ENTREP1: variants seen among roughly 807,000 people sequenced by gnomAD.
ENTREP1 encodes Friedreich ataxia region gene X123.
the ENTREP1 span, chr9:69,386,991 C>T: frequency 6.6e-6 from 1 of 152,226 alleles, no homozygotes; most frequent in Non-Finnish European, 1.5e-5. Flanking sequence ...CCAGCCTCAA[C>T]GGGAACTTAG....
the ENTREP1 span, among the ~76,000 whole-genome samples, chr9:69,336,783 C>T: frequency 6.6e-6 from 1 of 152,008 alleles, no homozygotes; most frequent in Non-Finnish European, 1.5e-5. Context: ...GTGATCTCAG[C>T]TCACTGTAAC....
At chr9:69,351,397 A>ATGATGATGATGG in the ENTREP1 span, among the ~76,000 whole-genome samples, 15 of 151,980 alleles carry the variant, frequency 9.9e-5, no homozygotes, top group Admixed American at 1.3e-4. Flanking sequence ...CTTGATGATG[A>ATGATGATGATGG]TGATGATGAT....
the ENTREP1 span, among the ~76,000 whole-genome samples, chr9:69,332,832 GT>G: frequency 6.6e-6 from 1 of 152,130 alleles, no homozygotes; most frequent in African/African-American, 2.4e-5. Context: ...AAAAGCACTT[GT>G]TTTTAAAGAT....
At chr9:69,367,779 A>G in the ENTREP1 span, among the ~76,000 whole-genome samples, 1 of 95,754 alleles carries the variant, frequency 1.0e-5, no homozygotes, top group African/African-American at 4.2e-5. Flanking sequence ...ATATATAAAT[A>G]TATATACACA....
the ENTREP1 span, chr9:69,336,347 A>T: frequency 1.2e-6 from 1 of 846,804 alleles, no homozygotes; most frequent in South Asian, 1.6e-5. Context: ...ACCACTGAAG[A>T]AATGCTTAAG....
chr9:69,355,958 C>T, the ENTREP1 span, among the ~76,000 whole-genome samples: 1 of 152,158 alleles, frequency 6.6e-6, no homozygotes, highest in Non-Finnish European at 1.5e-5. Flanking sequence ...ACATATATAA[C>T]ATAACATAAA....
the ENTREP1 span, chr9:69,329,776 G>A: frequency 1.1e-6 from 1 of 944,882 alleles, no homozygotes; most frequent in Non-Finnish European, 1.3e-6. Context: ...GGTGCGTTTA[G>A]TGTTAACTAG....
At chr9:69,354,788 A>G in the ENTREP1 span, among the ~76,000 whole-genome samples, 1 of 152,122 alleles carries the variant, frequency 6.6e-6, no homozygotes, top group Non-Finnish European at 1.5e-5. Context: ...TCTTTTTGTG[A>G]TATTGGCAGT....
chr9:69,337,073 G>A, the ENTREP1 span, among the ~76,000 whole-genome samples: 1 of 133,336 alleles, frequency 7.5e-6, no homozygotes, highest in African/African-American at 2.9e-5. Context: ...GGAGTGCAGT[G>A]GCACGTTCTC....
the ENTREP1 span, among the ~76,000 whole-genome samples, chr9:69,376,958 A>T: frequency 1.3e-5 from 2 of 152,170 alleles, no homozygotes; most frequent in Non-Finnish European, 2.9e-5. Flanking sequence ...CAAATTAAGC[A>T]GTGTGCTGTG....
At chr9:69,385,763 CTTTTTTTTT>C in the ENTREP1 span, 19 of 1,243,828 alleles carry the variant, frequency 1.5e-5, no homozygotes, top group South Asian at 1.7e-4. Context: ...TGTTTCGCCT[CTTTTTTTTT>C]TTTTTTTTTT....
the ENTREP1 span, among the ~76,000 whole-genome samples, chr9:69,359,868 G>C: frequency 6.6e-6 from 1 of 152,216 alleles, no homozygotes; most frequent in African/African-American, 2.4e-5. Context: ...TCTATTAAAA[G>C]TTTGTGAATT....
the ENTREP1 span, chr9:69,325,474 GC>G: frequency 1.1e-6 from 1 of 937,226 alleles, no homozygotes; most frequent in East Asian, 1.2e-4. Context: ...CCCCGTCGCG[GC>G]CTCGCTGCGC....
chr9:69,371,427 TA>T, the ENTREP1 span: 1 of 1,069,046 alleles, frequency 9.4e-7, no homozygotes. Context: ...TATGAGTTTT[TA>T]AAATCAGGTA....
the ENTREP1 span, among the ~76,000 whole-genome samples, chr9:69,328,320 G>A: frequency 3.3e-5 from 5 of 152,184 alleles, no homozygotes; most frequent in East Asian, 7.7e-4. Context: ...TCCAATGTGT[G>A]TATTTTTATC....
the ENTREP1 span, among the ~76,000 whole-genome samples, chr9:69,384,885 G>A: frequency 6.6e-6 from 1 of 151,906 alleles, no homozygotes; most frequent in Non-Finnish European, 1.5e-5. Flanking sequence ...TCCTAAGTAT[G>A]TTCATAATTT....
At chr9:69,341,201 A>T in the ENTREP1 span, among the ~76,000 whole-genome samples, 23 of 151,752 alleles carry the variant, frequency 1.5e-4, no homozygotes, top group Admixed American at 6.6e-4. Context: ...TTTTCTTGTC[A>T]ATTAGATGGG....
chr9:69,354,449 G>C, the ENTREP1 span, among the ~76,000 whole-genome samples: 1 of 151,916 alleles, frequency 6.6e-6, no homozygotes, highest in Non-Finnish European at 1.5e-5. Flanking sequence ...GTAGAGACAG[G>C]GTTTCACCAT....
At chr9:69,324,592 T>C in the ENTREP1 span, 2 of 985,124 alleles carry the variant, frequency 2.0e-6, no homozygotes, top group African/African-American at 1.7e-5. Context: ...TTCCCGCTCC[T>C]ACCGAGATGC....
Sources: gnomAD v4.1 joint callset for allele counts (sites outside exome capture counted in the v4.1 genomes callset) on GRCh38, gnomAD v4.1.1 for gene constraint, MANE v1.5 for transcripts, NCBI Gene and HGNC (gene_info 2026-07-23, HGNC 2026-07-21) for gene names.